Variants in REV1 observed in about 807,000 individuals in gnomAD.
REV1 encodes the protein REV1 DNA directed polymerase.
In REV1, 42 loss-of-function variants were observed where a neutral mutation model predicts 137.4. That is an observed-to-expected ratio of 0.31 (90% confidence interval 0.24 to 0.40). The LOEUF is 0.40. REV1 is among the 10% of genes least tolerant of loss of function. The probability of loss-of-function intolerance (pLI) is 1.00; values close to 1 mark genes in which losing one functional copy is unlikely to be tolerated. For missense variants in REV1, 1,282 were observed against 1,490.1 expected, an observed-to-expected ratio of 0.86 and a Z score of 2.30; for synonymous variants, 524 against 519.2, an observed-to-expected ratio of 1.01 and a Z score of -0.12.
intron 11 of REV1, among the ~76,000 whole-genome samples, chr2:99,419,506 A>C (rs1418719937): frequency 6.6e-6 from 1 of 152,138 alleles, no homozygotes; most frequent in African/African-American, 2.4e-5. Flanking sequence ...CACCGTGCCC[A>C]ATCAGCAGTC....
Position 99,454,879 on chromosome 2 carries a change from C to A in REV1, c.182-5375G>T, listed in dbSNP as rs532230083. Among the ~76,000 whole-genome samples the A allele has an allele frequency of 1.4e-3, 218 of 152,254 alleles. 1 individual carries two copies. Among genetic ancestry groups the A allele is most frequent in the African/African-American group, 5.1e-3 (212 of 41,552 alleles). The stretch of plus-strand genomic sequence containing the variant: ...TTGAAAGCACAGTAAAAGTAAAAGC[C>A]ATATACAAGGACCACAATTTAGCCC... On this transcript the variant is annotated intron_variant, in intron 3 of 22. Coordinates refer to ENST00000258428, the MANE Select transcript of REV1 (RefSeq NM_016316.4).
In REV1 at chr2:99,454,878, C is replaced by A. The variant is rs560207691; in HGVS notation, c.182-5374G>T. 1.4e-3 allele frequency among the ~76,000 whole-genome samples: 218 copies of A among 152,256 alleles called. 1 individual carries two copies. Among genetic ancestry groups the A allele is most frequent in the African/African-American group, 5.1e-3 (212 of 41,562 alleles). On this transcript the variant is annotated intron_variant, in intron 3 of 22. Coordinates refer to ENST00000258428, the MANE Select transcript of REV1 (RefSeq NM_016316.4). ...ATTGAAAGCACAGTAAAAGTAAAAGCCATATACAAGGACCACAATTTAGCC... is the reference window on the plus strand; with the variant it reads ...ATTGAAAGCACAGTAAAAGTAAAAGACATATACAAGGACCACAATTTAGCC...
intron 14 of REV1, among the ~76,000 whole-genome samples, chr2:99,408,840 C>G (rs1432332294): frequency 6.6e-6 from 1 of 152,182 alleles, no homozygotes; most frequent in African/African-American, 2.4e-5. Context: ...AAAGTTATTT[C>G]GTGTTTTGGA....
At chr2:99,472,964 G>A (rs1050967150) in intron 1 of REV1, among the ~76,000 whole-genome samples, 6 of 152,052 alleles carry the variant, frequency 3.9e-5, no homozygotes, top group African/African-American at 1.4e-4. Context: ...CATTGTCTAC[G>A]GCTACAGTTT....
chr2:99,445,759 GCTC>G (rs752074358), intron 4 of REV1, among the ~76,000 whole-genome samples: 2 of 152,024 alleles, frequency 1.3e-5, no homozygotes, highest in Non-Finnish European at 2.9e-5. Context: ...ATGTACACAG[GCTC>G]CTCATGAAAG....
At position 99,434,414 on chromosome 2, in the gene REV1, T is replaced by A; in HGVS notation, c.1356A>T (p.Thr452=). 1 of 1,603,652 alleles carries A rather than the reference T, an allele frequency of 6.2e-7. No individual in the cohort carries two copies. Among genetic ancestry groups the A allele is most frequent in the East Asian group, 2.3e-5 (1 of 44,314 alleles). ...KPVAVTSNRG[T]GRAPLRPGAN... ...CGCCAGGACGTAAAGGTGCCCTTCC[T>A]GTGCCTCTGTTACTTGTAACAGCCA... The change falls in exon 8 of 23, where the codon ACA becomes ACT. Residue 452 remains threonine, a synonymous_variant. Coordinates refer to ENST00000258428, the MANE Select transcript of REV1 (RefSeq NM_016316.4).
chr2:99,403,916 T>C (rs1361673994), intron 18 of REV1, 101 bp from the exon 19 acceptor site: 1 of 1,419,438 alleles, frequency 7.0e-7, no homozygotes, highest in Non-Finnish European at 9.6e-7. Flanking sequence ...ATCTCACTTT[T>C]CTGATCTGTA....
chr2:99,466,784 C>A (rs1283968775), intron 1 of REV1, among the ~76,000 whole-genome samples: 1 of 152,068 alleles, frequency 6.6e-6, no homozygotes, highest in African/African-American at 2.4e-5. Context: ...GGAGAGATTT[C>A]TTTTTTAAGT....
At chr2:99,426,424 CATTAA>C (rs150678375) in intron 9 of REV1, among the ~76,000 whole-genome samples, 1,980 of 151,410 alleles carry the variant, frequency 0.013, 40 homozygotes, top group African/African-American at 0.045. Context: ...ATTTTCAAAA[CATTAA>C]TTTACACAAA....
Position 99,407,925 on chromosome 2 carries a change from A to G in REV1, c.2448+104T>C, listed in dbSNP as rs1676568733. The G allele has an allele frequency of 7.2e-6, 4 of 558,170 alleles. No homozygotes were observed. The East Asian group carries it at 1.2e-4, about 17-fold the overall frequency. The allele number at this position is 558,170 out of a possible 1,614,324, so 34.6% of individuals were successfully genotyped here. ...TATTACAAAGCAGCTAAAGACCTACATATAAAGTCCCTATACACCAGCAAT... is the reference window on the plus strand; with the variant it reads ...TATTACAAAGCAGCTAAAGACCTACGTATAAAGTCCCTATACACCAGCAAT... On this transcript the variant is annotated intron_variant, in intron 15 of 22. Coordinates refer to ENST00000258428, the MANE Select transcript of REV1 (RefSeq NM_016316.4).
intron 5 of REV1, among the ~76,000 whole-genome samples, chr2:99,440,969 G>A (rs1485738966): frequency 1.3e-5 from 2 of 152,116 alleles, no homozygotes; most frequent in African/African-American, 4.8e-5. Context: ...GAAATATCAC[G>A]GGTAGAGATA....
intron 3 of REV1, among the ~76,000 whole-genome samples, chr2:99,459,615 A>C (rs1028395631): frequency 6.6e-6 from 1 of 152,014 alleles, no homozygotes; most frequent in African/African-American, 2.4e-5. Flanking sequence ...CTGAGGAGAG[A>C]GGATGGCTTG....
chr2:99,426,940 T>G (rs1425297335), intron 9 of REV1, among the ~76,000 whole-genome samples: 7 of 152,132 alleles, frequency 4.6e-5, no homozygotes, highest in African/African-American at 1.7e-4. Flanking sequence ...TCCCAGCACT[T>G]TTGGGAGGCC....
chr2:99,450,582 A>G (rs777606482), intron 3 of REV1, among the ~76,000 whole-genome samples: 2 of 152,238 alleles, frequency 1.3e-5, no homozygotes, highest in African/African-American at 2.4e-5. Context: ...AGGTTTGTCT[A>G]AATTTTACAG....
At position 99,424,744 on chromosome 2, in the gene REV1, A is replaced by G. The variant is rs1174285094; in HGVS notation, c.1548-464T>C. 3.1e-6 allele frequency: 4 copies of G among 1,301,080 alleles called. No individual in the cohort carries two copies. The South Asian group carries it at 5.0e-5, about 16-fold the overall frequency. The allele number at this position is 1,301,080 out of a possible 1,614,324, so 80.6% of individuals were successfully genotyped here. ...ACTACACAAAACAGTGCTATGTGAC[A>G]AACAGACAAAATGTACTCATCCTAT... On this transcript the variant is annotated intron_variant, in intron 9 of 22. Transcript: ENST00000258428.
intron 1 of REV1, among the ~76,000 whole-genome samples, chr2:99,489,615 G>C (rs1178018071): frequency 6.7e-6 from 1 of 149,036 alleles, no homozygotes; most frequent in South Asian, 2.1e-4. Flanking sequence ...CGGCGGCTGC[G>C]AGCGTCAGGG....
intron 1 of REV1, among the ~76,000 whole-genome samples, chr2:99,489,168 G>A (rs1687411937): frequency 6.6e-6 from 1 of 152,154 alleles, no homozygotes; most frequent in Non-Finnish European, 1.5e-5. Context: ...GGACAGTTGG[G>A]GAACGGCGCC....
Position 99,402,265 on chromosome 2 carries a change from A to G in REV1, c.3623T>C (p.Leu1208Pro). The stretch of plus-strand genomic sequence containing the variant: ...CTACCTTTTCATGTATTTTATAACT[A>G]GATCCAGTTTTTCCAAATCTTTTTC... Reference protein sequence around the residue: ...IEEKDLEKLDLVIKYMKRLMQ... With the variant: ...IEEKDLEKLDPVIKYMKRLMQ... Residue 1208 changes from leucine to proline, a missense_variant, in exon 22 of 23, where the codon CTA becomes CCA. Physicochemically the swap from Leu to Pro is moderately conservative, Grantham distance 98. This residue lies in a region of REV1 where 43 missense variants were observed against 79.1 expected (regional missense o/e 0.54). Coordinates refer to ENST00000258428, the MANE Select transcript of REV1 (RefSeq NM_016316.4). 7.2e-7 allele frequency: 1 copy of G among 1,388,952 alleles called. No individual in the cohort carries two copies. The highest frequency in any genetic ancestry group is 1.0e-6 in the Non-Finnish European group (1 of 998,440). 86.0% of individuals were successfully genotyped at this position (1,388,952 alleles called of 1,614,324 possible). A position where few individuals can be genotyped will look rare whatever the true frequency, so the allele number is the denominator to read the frequency against.
In REV1 at chr2:99,403,760, G is replaced by C; in HGVS notation, c.3101C>G (p.Ala1034Gly). ...CTGCCTTTGTCTTTGATCATACGCT[G>C]CTTTCAGCTCCCTCTGAAGTTCAGC... ...LPAELQRELK[A>G]AYDQRQRQGE... The change falls in exon 19 of 23, where the codon GCA (alanine) becomes GGA (glycine). Residue 1034 changes from alanine to glycine, a missense_variant. Coordinates refer to ENST00000258428, the MANE Select transcript of REV1 (RefSeq NM_016316.4). 6.2e-7 allele frequency: 1 copy of C among 1,614,182 alleles called. No individual in the cohort carries two copies. The highest frequency in any genetic ancestry group is 8.5e-7 in the Non-Finnish European group (1 of 1,180,034).
Sources: allele counts gnomAD v4.1 joint callset (sites outside exome capture counted in the v4.1 genomes callset), GRCh38; gene constraint gnomAD v4.1.1; regional missense constraint gnomAD v4.1.1; transcripts MANE v1.5; gene names NCBI Gene and HGNC (gene_info 2026-07-23, HGNC 2026-07-21).